CEP192: variants seen among roughly 807,000 people sequenced by gnomAD.
The protein encoded by CEP192 is centrosomal protein of 192 kDa.
CEP192 carries 151 observed loss-of-function variants against 271.8 expected under a neutral mutation model. The ratio of observed to expected loss-of-function variants is 0.56; its 90% CI spans 0.49 to 0.64. CEP192 has a LOEUF of 0.64. Ranked by LOEUF, CEP192 falls within the 30% of genes least tolerant of loss-of-function variation. The pLI is 0.00. For missense variants in CEP192, 2,910 were observed against 3,020.5 expected, an observed-to-expected ratio of 0.96 and a Z score of 0.86; for synonymous variants, 995 against 1,076.5, an observed-to-expected ratio of 0.92 and a Z score of 1.48.
At chr18:13,120,044 A>G (rs1295302392) in intron 44 of CEP192, among the ~76,000 whole-genome samples, 1 of 152,172 alleles carries the variant, frequency 6.6e-6, no homozygotes, top group African/African-American at 2.4e-5. Context: ...TTTTGATGTT[A>G]TATTCTTTGC....
At chr18:13,031,243 G>GTTTTTT (rs60557979) in intron 11 of CEP192, among the ~76,000 whole-genome samples, 10 of 101,648 alleles carry the variant, frequency 9.8e-5, no homozygotes, top group South Asian at 3.5e-4. Flanking sequence ...CCTTATTGTT[G>GTTTTTT]TTTTTTTTTT....
Position 13,026,070 on chromosome 18 carries a change from T to A in CEP192, c.1051-3593T>A, listed in dbSNP as rs558210445. Among the ~76,000 whole-genome samples, 15 of 152,338 alleles carry A rather than the reference T, an allele frequency of 9.8e-5. No individual in the cohort carries two copies. The South Asian group carries it at 3.1e-3, about 32-fold the overall frequency. ...TCTGCTGGCAACAAATGCCTTCAAT[T>A]TTTGCTTGTCTGAGAAGGTATTTCC... On this transcript the variant is annotated intron_variant, in intron 9 of 44. Transcript: ENST00000506447.
At chr18:13,084,401 A>G (rs891537317) in intron 30 of CEP192, among the ~76,000 whole-genome samples, 2 of 152,162 alleles carry the variant, frequency 1.3e-5, no homozygotes, top group African/African-American at 4.8e-5. Context: ...GCAGTGAGCA[A>G]GGCTCTGTGG....
At chr18:13,121,521 C>T (rs1373927980) in intron 44 of CEP192, among the ~76,000 whole-genome samples, 3 of 151,908 alleles carry the variant, frequency 2.0e-5, no homozygotes, top group Non-Finnish European at 2.9e-5. Context: ...TGGGTGAACA[C>T]GAATGTATGA....
chr18:13,123,567 C>G (rs1489806539), intron 44 of CEP192, among the ~76,000 whole-genome samples: 3 of 152,182 alleles, frequency 2.0e-5, no homozygotes, highest in Admixed American at 1.3e-4. Context: ...TTAAAACACA[C>G]AGCTCTGAGA....
chr18:13,103,767 T>C, intron 39 of CEP192, 179 bp downstream of exon 39: 2 of 650,922 alleles, frequency 3.1e-6, no homozygotes, highest in Non-Finnish European at 5.6e-6. Context: ...CACTGCTCAC[T>C]GCAGCCTCAA....
chr18:13,064,666 C>CCT (rs1317333426), intron 21 of CEP192, among the ~76,000 whole-genome samples: 3 of 150,000 alleles, frequency 2.0e-5, no homozygotes, highest in Non-Finnish European at 4.4e-5. Context: ...GTGTTTGGGT[C>CCT]CTCTATTCTG....
chr18:13,102,592 GTT>G (rs2039762805), intron 38 of CEP192, among the ~76,000 whole-genome samples: 1 of 152,156 alleles, frequency 6.6e-6, no homozygotes, highest in Non-Finnish European at 1.5e-5. Flanking sequence ...TCCAGGGTCC[GTT>G]TTGTGTCTTG....
chr18:13,094,423 T>C (rs2039290921), intron 34 of CEP192, among the ~76,000 whole-genome samples: 1 of 152,234 alleles, frequency 6.6e-6, no homozygotes, highest in Admixed American at 6.5e-5. Flanking sequence ...TATTCACTGA[T>C]ATTGGAGTGG....
At chr18:13,073,309 C>T (rs1005296935) in intron 30 of CEP192, 124 bp downstream of exon 30, 3 of 875,388 alleles carry the variant, frequency 3.4e-6, no homozygotes, top group Non-Finnish European at 5.2e-6. Flanking sequence ...TCTAGACTTA[C>T]AAACAAGTTA....
At position 13,065,361 on chromosome 18, in the gene CEP192, A is replaced by G. The variant is rs376162047; in HGVS notation, c.4489-2470A>G. Among the ~76,000 whole-genome samples, 40 of 152,320 alleles carry G rather than the reference A, an allele frequency of 2.6e-4. No individual in the cohort carries two copies. The Middle Eastern group carries it at 0.01, about 39-fold the overall frequency. ...TCAGAGGTCATTAATCGCTTCCATT[A>G]TAGGTAATTTGTTTAGTTTAATGTT... On this transcript the variant is annotated intron_variant, in intron 21 of 44. Coordinates refer to ENST00000506447, the MANE Select transcript of CEP192 (RefSeq NM_032142.4).
intron 40 of CEP192, among the ~76,000 whole-genome samples, chr18:13,106,256 C>T (rs561335950): frequency 2.9e-4 from 44 of 152,180 alleles, no homozygotes; most frequent in South Asian, 1.5e-3. Flanking sequence ...CTACCATCAC[C>T]GTCTCCCACA....
chr18:13,102,592 G>A (rs1002709410), intron 38 of CEP192, among the ~76,000 whole-genome samples: 4 of 152,156 alleles, frequency 2.6e-5, no homozygotes, highest in East Asian at 3.9e-4. Flanking sequence ...TCCAGGGTCC[G>A]TTTTGTGTCT....
chr18:13,108,811 G>A (rs1246463374), intron 40 of CEP192, among the ~76,000 whole-genome samples: 1 of 152,196 alleles, frequency 6.6e-6, no homozygotes, highest in Non-Finnish European at 1.5e-5. Context: ...GGAGGCAGAA[G>A]TTGTAGTGAG....
chr18:13,102,349 C>G (rs533642563), intron 38 of CEP192, among the ~76,000 whole-genome samples: 1 of 152,210 alleles, frequency 6.6e-6, no homozygotes, highest in South Asian at 2.1e-4. Context: ...CTGTGGTCCC[C>G]TCTCGCTCCA....
chr18:13,086,287 C>G (rs192299529), intron 30 of CEP192, among the ~76,000 whole-genome samples: 6 of 152,186 alleles, frequency 3.9e-5, no homozygotes, highest in Non-Finnish European at 7.3e-5. Flanking sequence ...TGGACTGAGA[C>G]GATGGGGTTT....
rs751572354 is a variant in CEP192, at chr18:13,040,957, G to A, written c.1936+1G>A. The A allele has an allele frequency of 6.3e-7, 1 of 1,597,962 alleles. No individual in the cohort carries two copies. Among genetic ancestry groups the A allele is most frequent in the Non-Finnish European group, 8.5e-7 (1 of 1,174,972 alleles). Reference sequence around the variant, plus strand: ...CATCTTAACCATGATCTATATTCAGGTAATGGATTCAATGAAGGGGCTTTT... The same window carrying A: ...CATCTTAACCATGATCTATATTCAGATAATGGATTCAATGAAGGGGCTTTT... On this transcript the variant is annotated splice_donor_variant, in intron 14 of 44. Coordinates refer to ENST00000506447, the MANE Select transcript of CEP192 (RefSeq NM_032142.4). LOFTEE classifies it high-confidence loss of function.
chr18:13,096,158 C>A (rs1204763758), intron 35 of CEP192, 26 bp from the exon 36 acceptor site: 4 of 1,608,590 alleles, frequency 2.5e-6, no homozygotes, highest in South Asian at 1.1e-5. Flanking sequence ...AAATGTAAGT[C>A]ACATTTTATG....
At chr18:13,099,385 C>T (rs936321181) in intron 36 of CEP192, 91 bp from the exon 37 acceptor site, 2 of 652,274 alleles carry the variant, frequency 3.1e-6, no homozygotes. Context: ...GAGGAAATGG[C>T]CATTGGCTGG....
Sources: gnomAD v4.1 joint callset for allele counts (sites outside exome capture counted in the v4.1 genomes callset) on GRCh38, gnomAD v4.1.1 for gene constraint, MANE v1.5 for transcripts, NCBI Gene and HGNC (gene_info 2026-07-23, HGNC 2026-07-21) for gene names.